CRACD: variants seen among roughly 807,000 people sequenced by gnomAD.
The protein encoded by CRACD is capping protein inhibiting regulator of actin dynamics, also known as capping protein-inhibiting regulator of actin dynamics.
In CRACD, 56 loss-of-function variants were observed where a neutral mutation model predicts 106.8. The observed-to-expected ratio is 0.52, with a 90% confidence interval of 0.42 to 0.66. The LOEUF (loss-of-function observed/expected upper bound fraction) is 0.66. Among genes scored for constraint, CRACD ranks in the 30% least tolerant of loss-of-function variants. The pLI, the probability that CRACD is intolerant of heterozygous loss-of-function variation, is 0.00. For synonymous variants in CRACD, 754 were observed against 670.8 expected (o/e 1.12, Z -1.92); for missense variants, 1,730 against 1,623.2 (o/e 1.07, Z -1.13).
At chr4:56,080,953 CT>C (rs1375585016) in intron 1 of CRACD, among the ~76,000 whole-genome samples, 12 of 152,226 alleles carry the variant, frequency 7.9e-5, no homozygotes, top group Non-Finnish European at 1.8e-4. Context: ...TATCCACTTA[CT>C]TTCTCTTTTA....
At chr4:56,177,165 C>T (rs900209590) in intron 1 of CRACD, among the ~76,000 whole-genome samples, 20 of 152,106 alleles carry the variant, frequency 1.3e-4, no homozygotes, top group Non-Finnish European at 4.4e-5. Flanking sequence ...TTTCAATTTC[C>T]CCTGTTCAGT....
At chr4:56,215,008 AAAAC>A (rs1178822383) in intron 2 of CRACD, among the ~76,000 whole-genome samples, 5 of 151,370 alleles carry the variant, frequency 3.3e-5, no homozygotes, top group Non-Finnish European at 7.4e-5. Flanking sequence ...TCAAAGAGAA[AAAAC>A]AAACAAACAA....
chr4:56,130,755 C>T (rs1734799807), intron 1 of CRACD, among the ~76,000 whole-genome samples: 1 of 152,022 alleles, frequency 6.6e-6, no homozygotes, highest in Non-Finnish European at 1.5e-5. Flanking sequence ...AATTGGCTTT[C>T]TGCCAACCTT....
intron 2 of CRACD, among the ~76,000 whole-genome samples, chr4:56,241,710 C>T (rs928040938): frequency 2.0e-5 from 3 of 152,062 alleles, no homozygotes; most frequent in East Asian, 1.9e-4. Flanking sequence ...CATTGGGTGC[C>T]GTGGAAACAC....
At chr4:56,096,144 C>T (rs1733593645) in intron 1 of CRACD, among the ~76,000 whole-genome samples, 1 of 151,978 alleles carries the variant, frequency 6.6e-6, no homozygotes, top group African/African-American at 2.4e-5. Flanking sequence ...GTAGAAAAGG[C>T]AGAGGAATAT....
chr4:56,128,610 T>C (rs1166362533), intron 1 of CRACD, among the ~76,000 whole-genome samples: 1 of 152,166 alleles, frequency 6.6e-6, no homozygotes, highest in African/African-American at 2.4e-5. Context: ...GGATAAATGA[T>C]GTTCAAATAA....
chr4:56,288,415 G>A (rs1321270404), intron 3 of CRACD: 4 of 177,324 alleles, frequency 2.3e-5, no homozygotes, highest in Admixed American at 5.7e-5. Flanking sequence ...TCCTATTGGA[G>A]TCCCTAATGT....
At chr4:56,180,543 G>A (rs941538205) in intron 2 of CRACD, among the ~76,000 whole-genome samples, 1 of 151,610 alleles carries the variant, frequency 6.6e-6, no homozygotes, top group African/African-American at 2.4e-5. Flanking sequence ...TAGATAGATA[G>A]CATCATATCA....
intron 1 of CRACD, among the ~76,000 whole-genome samples, chr4:56,083,058 T>C (rs890209145): frequency 1.3e-5 from 2 of 152,210 alleles, no homozygotes; most frequent in African/African-American, 4.8e-5. Flanking sequence ...ACACAGACTC[T>C]TCACTCTCTT....
At chr4:56,319,814 G>A (rs1421016850) in intron 8 of CRACD, among the ~76,000 whole-genome samples, 2 of 152,092 alleles carry the variant, frequency 1.3e-5, no homozygotes, top group East Asian at 1.9e-4. Flanking sequence ...AGACTTGTAG[G>A]GTGTTGACTC....
chr4:56,248,512 T>A (rs969445564), intron 2 of CRACD, among the ~76,000 whole-genome samples: 13 of 152,144 alleles, frequency 8.5e-5, no homozygotes, highest in Admixed American at 7.9e-4. Flanking sequence ...TTTTTTTGAA[T>A]GCACATTTTC....
At chr4:56,120,717 A>C (rs1734456543) in intron 1 of CRACD, among the ~76,000 whole-genome samples, 1 of 152,262 alleles carries the variant, frequency 6.6e-6, no homozygotes. Context: ...AGATAGATAG[A>C]ATCCCATAGT....
intron 1 of CRACD, among the ~76,000 whole-genome samples, chr4:56,167,944 T>C (rs1736211218): frequency 6.6e-6 from 1 of 152,238 alleles, no homozygotes; most frequent in Non-Finnish European, 1.5e-5. Context: ...GAAACTCACA[T>C]ATTACTTCTG....
intron 2 of CRACD, among the ~76,000 whole-genome samples, chr4:56,182,861 A>ATGTGTGTGTGTGTGTGTGTGTG (rs763638808): frequency 7.9e-5 from 8 of 101,892 alleles, no homozygotes; most frequent in African/African-American, 2.5e-4. Context: ...GAAAAAAAAG[A>ATGTGTGTGTGTGTGTGTGTGTG]TATGTGTGTG....
chr4:56,280,176 G>A (rs1742950062), intron 3 of CRACD, among the ~76,000 whole-genome samples: 1 of 150,536 alleles, frequency 6.6e-6, no homozygotes, highest in East Asian at 2.0e-4. Context: ...ATAGCATTAG[G>A]ACATATACCT....
At chr4:56,222,333 G>T (rs1739086311) in intron 2 of CRACD, among the ~76,000 whole-genome samples, 1 of 152,204 alleles carries the variant, frequency 6.6e-6, no homozygotes, top group South Asian at 2.1e-4. Flanking sequence ...TGGGAACTAA[G>T]CTATGGGTAT....
intron 1 of CRACD, among the ~76,000 whole-genome samples, chr4:56,123,750 C>T (rs28421026): frequency 6.6e-6 from 1 of 152,184 alleles, no homozygotes; most frequent in South Asian, 2.1e-4. Context: ...TAGTACCCCC[C>T]CTACACTGTC....
chr4:56,223,322 T>C (rs189235057), intron 2 of CRACD, among the ~76,000 whole-genome samples: 27 of 152,286 alleles, frequency 1.8e-4, no homozygotes, highest in Admixed American at 6.5e-4. Flanking sequence ...TTTATAAATG[T>C]TCCTCTGTCC....
At chr4:56,263,622 T>G (rs552157228) in intron 2 of CRACD, among the ~76,000 whole-genome samples, 1 of 152,300 alleles carries the variant, frequency 6.6e-6, no homozygotes, top group African/African-American at 2.4e-5. Flanking sequence ...ACTTAGCTTA[T>G]TTAACCTAAT....
Sources: gnomAD v4.1 joint callset for allele counts (sites outside exome capture counted in the v4.1 genomes callset) on GRCh38, gnomAD v4.1.1 for gene constraint, MANE v1.5 for transcripts, NCBI Gene and HGNC (gene_info 2026-07-23, HGNC 2026-07-21) for gene names.